The following HSPG2 variants were observed in gnomAD, a reference collection of about 807,000 sequenced individuals.
The protein encoded by HSPG2 is basement membrane-specific heparan sulfate proteoglycan core protein.
Under a neutral mutation model 526.6 loss-of-function variants are expected in HSPG2, and 278 were observed. The observed-to-expected ratio is 0.53, with a 90% CI of 0.48 to 0.58. HSPG2 has a LOEUF of 0.58. Among genes scored for constraint, HSPG2 ranks in the 20% least tolerant of loss-of-function variants. The pLI, the probability that HSPG2 is intolerant of heterozygous loss-of-function variation, is 0.00. For synonymous variants in HSPG2, 2,465 were observed against 2,555.4 expected (o/e 0.96, Z 1.07); for missense variants, 5,354 against 6,099.5 (o/e 0.88, Z 4.07).
chr1:21,873,134 C>A, intron 30 of HSPG2, 43 bp from the exon 31 acceptor site: 1 of 1,486,634 alleles, frequency 6.7e-7, no homozygotes, highest in Non-Finnish European at 9.3e-7. Context: ...AAACCCGCCA[C>A]CCAGCACCCC....
At chr1:21,834,630 C>A in intron 77 of HSPG2, 49 bp downstream of exon 77, 1 of 1,606,540 alleles carries the variant, frequency 6.2e-7, no homozygotes, top group Non-Finnish European at 8.5e-7. Flanking sequence ...GCAGGAGAAG[C>A]CCCTGCCCCA....
At chr1:21,850,014 C>A (rs1244179921) in intron 57 of HSPG2, 27 bp downstream of exon 57, 1 of 1,611,978 alleles carries the variant, frequency 6.2e-7, no homozygotes, top group East Asian at 2.2e-5. Context: ...CAGGGTCCTT[C>A]AGGCTTCCTG....
chr1:21,932,098 C>T (rs1020276300), intron 1 of HSPG2, among the ~76,000 whole-genome samples: 2 of 151,916 alleles, frequency 1.3e-5, no homozygotes, highest in African/African-American at 4.8e-5. Context: ...CAGGCACAGG[C>T]GTCCCTAGGA....
chr1:21,888,087 G>A lies in HSPG2; in HGVS notation c.575-21C>T, dbSNP rs774968366. 1.9e-6 allele frequency: 3 copies of A among 1,613,720 alleles called. No homozygotes were observed. The South Asian group carries it at 3.3e-5, about 18-fold the overall frequency. ...GGGCACTGCAGGTGGAAAGGAAGCA[G>A]ACTGGAGTCAGAGGCGGCAGGAGGC... On this transcript the variant is annotated intron_variant, in intron 6 of 96. Transcript: ENST00000374695.
chr1:21,884,473 G>C (rs540576560), intron 13 of HSPG2, 55 bp downstream of exon 13: 2 of 1,607,960 alleles, frequency 1.2e-6, no homozygotes, highest in African/African-American at 1.3e-5. Flanking sequence ...TGCCCCCTGG[G>C]TACAGAGGTA....
At position 21,898,661 on chromosome 1, in the gene HSPG2, T is replaced by C. The variant is rs1642915518; in HGVS notation, c.64-2351A>G. On this transcript the variant is annotated intron_variant, in intron 1 of 96. Coordinates refer to ENST00000374695, the MANE Select transcript of HSPG2 (RefSeq NM_005529.7). The surrounding 1 kb of genome is among the most constrained non-coding windows in gnomAD (Gnocchi z 4.0). ...GGTAAAGGGCAGTGTTCCCACTGGC[T>C]GGAGCAGGCCTGACTGACCCAACGT... Among the ~76,000 whole-genome samples, 1 of 152,230 alleles carries C rather than the reference T, an allele frequency of 6.6e-6. No individual in the cohort carries two copies. Among genetic ancestry groups the C allele is most frequent in the Non-Finnish European group, 1.5e-5 (1 of 68,026 alleles).
Position 21,937,220 on chromosome 1 carries a change from C to G in HSPG2, c.-3G>C. 9.7e-7 allele frequency: 1 copy of G among 1,029,062 alleles called. No individual in the cohort carries two copies. Among genetic ancestry groups the G allele is most frequent in the Non-Finnish European group, 1.2e-6 (1 of 852,264 alleles). 63.7% of individuals were successfully genotyped at this position (1,029,062 alleles called of 1,614,324 possible). A position where few individuals can be genotyped will look rare whatever the true frequency, so the allele number is the denominator to read the frequency against. ...GCGCCCGCCGCCCGCCACCCCATGG[C>G]CCGGCCCGCGCCGCTCTCTCGCTCG... On this transcript the variant is annotated 5_prime_UTR_variant, in exon 1 of 97. Coordinates refer to ENST00000374695, the MANE Select transcript of HSPG2 (RefSeq NM_005529.7).
chr1:21,922,983 G>A lies in HSPG2; in HGVS notation c.63+14172C>T, dbSNP rs529082584. On this transcript the variant is annotated intron_variant, in intron 1 of 96. Transcript: ENST00000374695. Reference sequence around the variant, plus strand: ...CGCCCCCACCCCGACCCCAGAAGGCGGGGAGGGAAAAAAGAGGGAGGAAAG... The same window carrying A: ...CGCCCCCACCCCGACCCCAGAAGGCAGGGAGGGAAAAAAGAGGGAGGAAAG... Among the ~76,000 whole-genome samples the A allele has an allele frequency of 2.8e-4, 42 of 152,106 alleles. No homozygotes were observed. The South Asian group carries it at 5.8e-3, about 21-fold the overall frequency.
chr1:21,903,831 G>A (rs989616717), intron 1 of HSPG2, among the ~76,000 whole-genome samples: 2 of 152,104 alleles, frequency 1.3e-5, no homozygotes, highest in Non-Finnish European at 1.5e-5. Flanking sequence ...CACCCAACCC[G>A]GTCTGGCACT....
intron 1 of HSPG2, among the ~76,000 whole-genome samples, chr1:21,934,409 G>A (rs1402099368): frequency 6.6e-6 from 1 of 152,220 alleles, no homozygotes; most frequent in African/African-American, 2.4e-5. Flanking sequence ...GGCTCAGAGA[G>A]AGGAACTCGC....
At position 21,890,834 on chromosome 1, in the gene HSPG2, C is replaced by T. The variant is rs1221192018; in HGVS notation, c.245-140G>A. Reference sequence around the variant, plus strand: ...GCTGACACCTGTGTGCCCACTGCTACACCCAGGACTGCCTGTAGGTATACA... The same window carrying T: ...GCTGACACCTGTGTGCCCACTGCTATACCCAGGACTGCCTGTAGGTATACA... On this transcript the variant is annotated intron_variant, in intron 3 of 96. Coordinates refer to ENST00000374695, the MANE Select transcript of HSPG2 (RefSeq NM_005529.7). This position sits in a 1 kb window ranked among gnomAD's most constrained non-coding sequence, Gnocchi z 4.1. 7.1e-6 allele frequency: 5 copies of T among 708,286 alleles called. No individual in the cohort carries two copies. Among genetic ancestry groups the T allele is most frequent in the Non-Finnish European group, 1.0e-5 (4 of 392,530 alleles). The allele number at this position is 708,286 out of a possible 1,614,324, so 43.9% of individuals were successfully genotyped here.
chr1:21,878,899 C>G, intron 18 of HSPG2, 95 bp downstream of exon 18: 1 of 1,468,250 alleles, frequency 6.8e-7, no homozygotes, highest in Non-Finnish European at 9.3e-7. Context: ...AGGTAGAGAT[C>G]TGAATCCAAG....
Position 21,874,982 on chromosome 1 carries a change from TC to T in HSPG2, c.3322del (p.Asp1108ThrfsTer166). 1 of 1,605,082 alleles carries T rather than the reference TC, an allele frequency of 6.2e-7. No homozygotes were observed. Among genetic ancestry groups the T allele is most frequent in the Non-Finnish European group, 8.5e-7 (1 of 1,175,814 alleles). On this transcript the variant is annotated frameshift_variant, in exon 26 of 97. Coordinates refer to ENST00000374695, the MANE Select transcript of HSPG2 (RefSeq NM_005529.7). LOFTEE classifies it high-confidence loss of function. ...AESRVSGISM[D>X]VAVPEETGQD... ...GCCGGTTTCCTCGGGCACAGCCACG[TC>T]CATGCTGATGCCAGAGACCCTGGGC...
intron 3 of HSPG2, among the ~76,000 whole-genome samples, chr1:21,894,535 C>T (rs1287562721): frequency 1.3e-5 from 2 of 152,150 alleles, no homozygotes; most frequent in South Asian, 2.1e-4. Context: ...CGAGGAAAGG[C>T]ACCTACCCTG....
chr1:21,841,751 C>A, intron 69 of HSPG2, 78 bp from the exon 70 acceptor site: 1 of 1,567,896 alleles, frequency 6.4e-7, no homozygotes, highest in Non-Finnish European at 8.8e-7. Flanking sequence ...GCCTGTGCCC[C>A]TGGGCCCACT....
chr1:21,913,198 C>A (rs759322751), intron 1 of HSPG2, among the ~76,000 whole-genome samples: 8 of 152,104 alleles, frequency 5.3e-5, no homozygotes, highest in South Asian at 4.1e-4. Context: ...AGGGGCTACA[C>A]AGATGAGGCC....
In HSPG2 at chr1:21,839,228, TG is replaced by T. The variant is rs2098038998; in HGVS notation, c.9889+142del. 1 of 1,426,928 alleles carries T rather than the reference TG, an allele frequency of 7.0e-7. No homozygotes were observed. Among genetic ancestry groups the T allele is most frequent in the Non-Finnish European group, 9.7e-7 (1 of 1,035,454 alleles). 88.4% of individuals were successfully genotyped at this position (1,426,928 alleles called of 1,614,324 possible). On this transcript the variant is annotated intron_variant, in intron 73 of 96. Transcript: ENST00000374695. This position sits in a 1 kb window ranked among gnomAD's most constrained non-coding sequence, Gnocchi z 4.5. ...AAAGCAAAGGTCCCAGGCCAGGGTG[TG>T]GGTGTCGGGCAGGGCAGGCTCCAGG...
intron 15 of HSPG2, 43 bp from the exon 16 acceptor site, chr1:21,880,602 A>G: frequency 6.9e-6 from 11 of 1,604,356 alleles, no homozygotes; most frequent in Non-Finnish European, 9.4e-6. Context: ...ATCAGTGCCT[A>G]CCCAGCCTAA....
chr1:21,907,255 G>A (rs1282196499), intron 1 of HSPG2, among the ~76,000 whole-genome samples: 3 of 152,208 alleles, frequency 2.0e-5, no homozygotes, highest in East Asian at 1.9e-4. Context: ...TGCAGAGACC[G>A]GGGCAGGGGC....
Sources: gnomAD v4.1 joint callset for allele counts (sites outside exome capture counted in the v4.1 genomes callset) on GRCh38, gnomAD v4.1.1 for gene constraint, Gnocchi (gnomAD v3.1) non-coding constraint, MANE v1.5 for transcripts, NCBI Gene and HGNC (gene_info 2026-07-23, HGNC 2026-07-21) for gene names.